The following PXMP2 variants were observed in gnomAD, a reference collection of about 807,000 sequenced individuals.
The protein encoded by PXMP2 is peroxisomal membrane protein 2, also known as 22 kDa peroxisomal membrane protein.
A neutral mutation model predicts 20.2 loss-of-function variants in PXMP2; 13 were observed. The ratio of observed to expected loss-of-function variants is 0.64; its 90% confidence interval spans 0.42 to 1.02. The LOEUF (loss-of-function observed/expected upper bound fraction) is 1.02, where lower values mean the gene tolerates loss of function less well. Among genes scored for constraint, PXMP2 ranks in the 50% least tolerant of loss-of-function variants. The pLI, the probability that PXMP2 is intolerant of heterozygous loss-of-function variation, is 0.00. For missense variants in PXMP2, 284 were observed against 251.8 expected, an observed-to-expected ratio of 1.13 and a Z score of -0.87; for synonymous variants, 113 against 111.2, an observed-to-expected ratio of 1.02 and a Z score of -0.10.
chr12:132,687,840 C>T, intron 1 of PXMP2, 48 bp downstream of exon 1: 3 of 1,114,734 alleles, frequency 2.7e-6, no homozygotes, highest in Non-Finnish European at 3.3e-6. Context: ...CCAGGTCGGC[C>T]GCAGCGGCGC....
intron 1 of PXMP2, among the ~76,000 whole-genome samples, chr12:132,688,441 A>G (rs375887673): frequency 0.014 from 47 of 3,298 alleles, no homozygotes; most frequent in Admixed American, 0.034. Context: ...GGGCGCGGGT[A>G]AAGACAGGGC....
At position 132,696,022 on chromosome 12, in the gene PXMP2, C is replaced by G. The variant is rs2043408577; in HGVS notation, c.375C>G (p.Phe125Leu). Residue 125 changes from phenylalanine (F) to leucine (L), a missense_variant, in exon 3 of 5, where the codon TTC (phenylalanine) becomes TTG (leucine). Coordinates refer to ENST00000317479, the MANE Select transcript of PXMP2 (RefSeq NM_018663.3). This position sits in a 1 kb window ranked among gnomAD's most constrained non-coding sequence, Gnocchi z 4.4. The stretch of plus-strand genomic sequence containing the variant: ...TTGCACCGGCCTTCCTCATGTTGTT[C>G]TTCCTCATCATGAACTTTCTGGAGG... ...LVFAPAFLML[F>L]FLIMNFLEGK... 4.4e-6 allele frequency: 7 copies of G among 1,609,062 alleles called. No individual in the cohort carries two copies. Among genetic ancestry groups the G allele is most frequent in the Non-Finnish European group, 5.9e-6 (7 of 1,177,610 alleles).
intron 2 of PXMP2, among the ~76,000 whole-genome samples, chr12:132,694,610 G>T (rs1485795991): frequency 4.5e-5 from 4 of 89,422 alleles, no homozygotes; most frequent in South Asian, 4.1e-4. Flanking sequence ...GCCAGTTAGT[G>T]AGCTCCCTTA....
intron 2 of PXMP2, among the ~76,000 whole-genome samples, chr12:132,694,365 TGCC>T (rs2043394703): frequency 1.5e-5 from 1 of 65,928 alleles, no homozygotes; most frequent in Non-Finnish European, 3.3e-5. Flanking sequence ...TGAGCGCCCT[TGCC>T]AGTTAGTGAG....
intron 2 of PXMP2, among the ~76,000 whole-genome samples, chr12:132,693,320 CAGTT>C (rs1201534950): frequency 3.0e-5 from 1 of 33,234 alleles, no homozygotes; most frequent in African/African-American, 1.0e-4. Flanking sequence ...CGCCCTTAGC[CAGTT>C]AGTTAGTGAG....
intron 2 of PXMP2, among the ~76,000 whole-genome samples, chr12:132,690,664 G>A (rs1457149559): frequency 6.6e-6 from 1 of 151,950 alleles, no homozygotes; most frequent in East Asian, 1.9e-4. Context: ...TCCTGCCTCA[G>A]CCTCTCAAAT....
intron 3 of PXMP2, among the ~76,000 whole-genome samples, chr12:132,698,215 T>C (rs113427277): frequency 0.013 from 1,962 of 152,176 alleles, 48 homozygotes; most frequent in African/African-American, 0.044. Context: ...TTTCACCATC[T>C]TGGCCAGGTT....
chr12:132,695,928 T>C lies in PXMP2; in HGVS notation c.281T>C (p.Met94Thr), dbSNP rs1157147263. 7 of 1,611,092 alleles carry C rather than the reference T, an allele frequency of 4.3e-6. No individual in the cohort carries two copies. The highest frequency in any genetic ancestry group is 5.1e-6 in the Non-Finnish European group (6 of 1,178,718). Reference protein sequence around the residue: ...GPLSHFFYFFMEHWIPPEVPL... With the variant: ...GPLSHFFYFFTEHWIPPEVPL... The stretch of plus-strand genomic sequence containing the variant: ...CTGAGTCACTTCTTCTACTTCTTCA[T>C]GGAACATTGGATCCCTCCTGAGGTC... Residue 94 changes from methionine to threonine, a missense_variant, in exon 3 of 5, where the codon ATG becomes ACG. Coordinates refer to ENST00000317479, the MANE Select transcript of PXMP2 (RefSeq NM_018663.3).
intron 2 of PXMP2, among the ~76,000 whole-genome samples, chr12:132,691,112 C>T (rs2043363738): frequency 1.3e-5 from 2 of 148,658 alleles, no homozygotes; most frequent in Non-Finnish European, 3.0e-5. Context: ...AGTGCGGTGG[C>T]GCGATCTTGG....
intron 4 of PXMP2, among the ~76,000 whole-genome samples, chr12:132,702,981 G>C (rs1488370578): frequency 2.0e-5 from 3 of 152,264 alleles, no homozygotes; most frequent in Admixed American, 6.5e-5. Context: ...TTCACCCTTA[G>C]CCAAAGTTGC....
At chr12:132,701,069 T>C (rs888005929) in intron 3 of PXMP2, among the ~76,000 whole-genome samples, 181 bp from the exon 4 acceptor site, 1 of 152,170 alleles carries the variant, frequency 6.6e-6, no homozygotes, top group Non-Finnish European at 1.5e-5. Flanking sequence ...CACTGATCAT[T>C]TTCCATCTTG....
chr12:132,698,042 C>T (rs1294270744), intron 3 of PXMP2, among the ~76,000 whole-genome samples: 14 of 148,572 alleles, frequency 9.4e-5, no homozygotes, highest in Admixed American at 9.4e-4. Flanking sequence ...GACGGAGTCT[C>T]ACACTGTTGC....
intron 2 of PXMP2, among the ~76,000 whole-genome samples, chr12:132,690,773 C>T (rs538783779): frequency 2.0e-5 from 3 of 152,182 alleles, no homozygotes; most frequent in Non-Finnish European, 2.9e-5. Context: ...TCTTGAACTC[C>T]TGACCTCAAG....
At chr12:132,689,293 G>A (rs2043350364) in intron 1 of PXMP2, among the ~76,000 whole-genome samples, 1 of 151,800 alleles carries the variant, frequency 6.6e-6, no homozygotes, top group Non-Finnish European at 1.5e-5. Flanking sequence ...TCTGCGGGGC[G>A]CGGGTCCGCA....
chr12:132,687,610 T>C lies in PXMP2; in HGVS notation c.-61T>C. On this transcript the variant is annotated 5_prime_UTR_variant, in exon 1 of 5. Transcript: ENST00000317479. ...CCACTCCGCTCTCGGCGCCTCGGGC[T>C]CCGCGCCCGGCCAGCCTGAGGTGGG... is the stretch of plus-strand genomic sequence containing the variant. 8.6e-7 allele frequency: 1 copy of C among 1,163,070 alleles called. No individual in the cohort carries two copies. The highest frequency in any genetic ancestry group is 1.1e-6 in the Non-Finnish European group (1 of 944,128). 72.0% of individuals were successfully genotyped at this position (1,163,070 alleles called of 1,614,324 possible).
At chr12:132,694,112 TGCC>T (rs2043392303) in intron 2 of PXMP2, among the ~76,000 whole-genome samples, 2 of 100,306 alleles carry the variant, frequency 2.0e-5, no homozygotes, top group Non-Finnish European at 4.2e-5. Context: ...TGAGCGCCCT[TGCC>T]AGTTAGTTAG....
rs1191702202 is a variant in PXMP2, at chr12:132,692,710, G to GCGCCCTTGC, written c.236+2335_236+2336insGCCCTTGCC. 8.4e-3 allele frequency among the ~76,000 whole-genome samples: 1,107 copies of GCGCCCTTGC among 132,394 alleles called. 13 individuals are homozygous for GCGCCCTTGC. The highest frequency in any genetic ancestry group is 0.012 in the Non-Finnish European group (763 of 62,272). 86.9% of individuals were successfully genotyped at this position (132,394 alleles called of 152,430 possible). A position where few individuals can be genotyped will look rare whatever the true frequency, so the allele number is the denominator to read the frequency against. On this transcript the variant is annotated intron_variant, in intron 2 of 4. Coordinates refer to ENST00000317479, the MANE Select transcript of PXMP2 (RefSeq NM_018663.3). The stretch of plus-strand genomic sequence containing the variant: ...AGCGCCCTTGCCAGTTAGTTAGTGA[G>GCGCCCTTGC]CACCCTTGCCAGTTAGTTAGTGAGC...
intron 1 of PXMP2, among the ~76,000 whole-genome samples, chr12:132,689,825 G>C (rs530395625): frequency 6.6e-6 from 1 of 152,148 alleles, no homozygotes; most frequent in African/African-American, 2.4e-5. Context: ...AGGGCATTGC[G>C]TGGACACAGT....
intron 2 of PXMP2, among the ~76,000 whole-genome samples, chr12:132,693,597 CAGTT>C (rs1255007169): frequency 4.2e-5 from 3 of 71,336 alleles, no homozygotes; most frequent in East Asian, 3.5e-4. Context: ...GCGCCCTTGC[CAGTT>C]AGTTAGTGAG....
Sources: allele counts gnomAD v4.1 joint callset (sites outside exome capture counted in the v4.1 genomes callset), GRCh38; gene constraint gnomAD v4.1.1; non-coding constraint Gnocchi (gnomAD v3.1); transcripts MANE v1.5; gene names NCBI Gene and HGNC (gene_info 2026-07-23, HGNC 2026-07-21).